PRKDC: variants seen among roughly 807,000 people sequenced by gnomAD.
The protein encoded by PRKDC is DNA-dependent protein kinase catalytic subunit.
In PRKDC, 82 loss-of-function variants were observed where a neutral mutation model predicts 486.9. The ratio of observed to expected loss-of-function variants is 0.17; its 90% CI spans 0.14 to 0.20. The LOEUF (loss-of-function observed/expected upper bound fraction) is 0.20, where lower values mean the gene tolerates loss of function less well. Among genes scored for constraint, PRKDC ranks in the 10% least tolerant of loss-of-function variants. The pLI, the probability that PRKDC is intolerant of heterozygous loss-of-function variation, is 1.00. For missense variants in PRKDC, 4,504 were observed against 5,038.2 expected, an observed-to-expected ratio of 0.89 and a Z score of 3.21; for synonymous variants, 1,895 against 1,837.0, an observed-to-expected ratio of 1.03 and a Z score of -0.81.
At chr8:47,886,453 G>A (rs1024526151) in intron 35 of PRKDC, among the ~76,000 whole-genome samples, 1 of 151,944 alleles carries the variant, frequency 6.6e-6, no homozygotes, top group Non-Finnish European at 1.5e-5. Flanking sequence ...ACAGTGGCAC[G>A]ATCTCGGCTC....
rs45597938 is a variant in PRKDC at position 47,930,508 on chromosome 8, G to A, written c.1892+164C>T. Among the ~76,000 whole-genome samples the A allele has an allele frequency of 2.2e-3, 338 of 152,216 alleles. 2 individuals are homozygous for A. The highest frequency in any genetic ancestry group is 3.8e-3 in the Non-Finnish European group (257 of 68,026). On this transcript the variant is annotated intron_variant, in intron 17 of 85. Coordinates refer to ENST00000314191, the MANE Select transcript of PRKDC (RefSeq NM_006904.7). The stretch of plus-strand genomic sequence containing the variant: ...AGGATAGTCTTGATCTCCTGACCTC[G>A]TGATCCACCTGCCTCGGCCTCCCAA...
At position 47,900,479 on chromosome 8, in the gene PRKDC, AGAATAG is replaced by A; in HGVS notation, c.3270-18_3270-13del. On this transcript the variant is annotated splice_polypyrimidine_tract_variant and intron_variant, in intron 27 of 85. Coordinates refer to ENST00000314191, the MANE Select transcript of PRKDC (RefSeq NM_006904.7). Reference sequence around the variant, plus strand: ...GAGACTCTTCTTCCCTGTAAAATAAAGAATAGGAAACCTCACCTAAGAAAACAATAA... The same window carrying A: ...GAGACTCTTCTTCCCTGTAAAATAAAGAAACCTCACCTAAGAAAACAATAA... The A allele has an allele frequency of 6.3e-7, 1 of 1,586,358 alleles. No individual in the cohort carries two copies. Among genetic ancestry groups the A allele is most frequent in the Middle Eastern group, 1.7e-4 (1 of 6,026 alleles).
chr8:47,945,621 C>T (rs1563817833), intron 7 of PRKDC, among the ~76,000 whole-genome samples: 1 of 152,212 alleles, frequency 6.6e-6, no homozygotes, highest in Non-Finnish European at 1.5e-5. Flanking sequence ...ATTGTGTCTA[C>T]GTGCCATATT....
chr8:47,782,662 G>T lies in PRKDC; in HGVS notation c.11176-64C>A. 1.3e-6 allele frequency: 2 copies of T among 1,509,160 alleles called. No individual in the cohort carries two copies. The highest frequency in any genetic ancestry group is 1.8e-6 in the Non-Finnish European group (2 of 1,118,000). 93.5% of individuals were successfully genotyped at this position (1,509,160 alleles called of 1,614,324 possible). ...CCACGTGTCAAACTCAGAGGGAAAA[G>T]CCAGAGTGGCTGTGAGCATTCCTCC... On this transcript the variant is annotated intron_variant, in intron 78 of 85. Coordinates refer to ENST00000314191, the MANE Select transcript of PRKDC (RefSeq NM_006904.7). This position sits in a 1 kb window ranked among gnomAD's most constrained non-coding sequence, Gnocchi z 4.9.
chr8:47,959,904 GGC>G, intron 1 of PRKDC, 67 bp downstream of exon 1: 1 of 1,512,294 alleles, frequency 6.6e-7, no homozygotes, highest in Non-Finnish European at 8.8e-7. Context: ...AGAAGCGCCG[GGC>G]TGCCCGGCTC....
intron 28 of PRKDC, among the ~76,000 whole-genome samples, 156 bp from the exon 29 acceptor site, chr8:47,898,725 T>C (rs1224474603): frequency 6.6e-5 from 10 of 152,262 alleles, no homozygotes; most frequent in Non-Finnish European, 1.5e-5. Context: ...TAAAATTAGA[T>C]AAATGATTCA....
chr8:47,945,784 C>T (rs545035601), intron 7 of PRKDC, among the ~76,000 whole-genome samples: 66 of 152,098 alleles, frequency 4.3e-4, no homozygotes, highest in Non-Finnish European at 8.8e-4. Flanking sequence ...TGCAGTGGCA[C>T]GATCTCAGCT....
At chr8:47,823,506 T>C (rs1469745193) in intron 64 of PRKDC, among the ~76,000 whole-genome samples, 1 of 151,842 alleles carries the variant, frequency 6.6e-6, no homozygotes, top group Non-Finnish European at 1.5e-5. Flanking sequence ...GTGAACCAAT[T>C]AAACCTCTTT....
chr8:47,872,819 G>C (rs1394444525), intron 40 of PRKDC, among the ~76,000 whole-genome samples: 2 of 152,204 alleles, frequency 1.3e-5, no homozygotes, highest in East Asian at 3.8e-4. Context: ...GGGTGAGACA[G>C]ACCATAATGC....
At chr8:47,958,134 T>C (rs920759630) in intron 1 of PRKDC, among the ~76,000 whole-genome samples, 4 of 151,458 alleles carry the variant, frequency 2.6e-5, no homozygotes, top group Admixed American at 2.0e-4. Flanking sequence ...TGAAGAAGAG[T>C]GGGTCAGAGA....
Position 47,913,924 on chromosome 8 carries a change from T to C in PRKDC, c.2758A>G (p.Thr920Ala). 1.9e-6 allele frequency: 3 copies of C among 1,609,092 alleles called. No individual in the cohort carries two copies. Among genetic ancestry groups the C allele is most frequent in the Non-Finnish European group, 2.5e-6 (3 of 1,177,758 alleles). Residue 920 changes from threonine (T) to alanine (A), a missense_variant, in exon 24 of 86, where the codon ACA (threonine) becomes GCA (alanine). Physicochemically the swap from Thr to Ala is moderately conservative, Grantham distance 58. Around this residue, in one of 6 missense-constraint regions of PRKDC, gnomAD observed 1,969 missense variants for 2,068.9 expected, o/e 0.95. Transcript: ENST00000314191. Reference sequence around the variant, plus strand: ...ACTTTAGTTTGTCTGTCACTGGCTGTGAGCGCTAATTCTGTGACTCGAGGC... The same window carrying C: ...ACTTTAGTTTGTCTGTCACTGGCTGCGAGCGCTAATTCTGTGACTCGAGGC... Reference protein sequence around the residue: ...FLPRVTELALTASDRQTKVAA... With the variant: ...FLPRVTELALAASDRQTKVAA...
intron 21 of PRKDC, among the ~76,000 whole-genome samples, chr8:47,924,356 C>G (rs2090121662): frequency 6.6e-6 from 1 of 151,920 alleles, no homozygotes; most frequent in South Asian, 2.1e-4. Flanking sequence ...GTCAGGAGTT[C>G]GAGACCAGTC....
Position 47,782,778 on chromosome 8 carries a change from C to T in PRKDC, c.11176-180G>A, listed in dbSNP as rs1214893415. ...ACCTGCTTGTGCCTGACTGCTGTGC[C>T]CGCAGAAATGTTGTATTCCTGATTA... On this transcript the variant is annotated intron_variant, in intron 78 of 85. Transcript: ENST00000314191. The surrounding 1 kb of genome is among the most constrained non-coding windows in gnomAD (Gnocchi z 4.9). The T allele has an allele frequency of 2.4e-5, 15 of 621,184 alleles. No individual in the cohort carries two copies. Among genetic ancestry groups the T allele is most frequent in the African/African-American group, 3.7e-5 (2 of 54,238 alleles). The allele number at this position is 621,184 out of a possible 1,614,324, so 38.5% of individuals were successfully genotyped here.
chr8:47,809,869 C>T (rs954111973), intron 68 of PRKDC, among the ~76,000 whole-genome samples: 2 of 151,026 alleles, frequency 1.3e-5, no homozygotes. Flanking sequence ...CTCTGTCTTA[C>T]TCTCTTTTGC....
At chr8:47,883,968 G>A (rs550489003) in intron 36 of PRKDC, among the ~76,000 whole-genome samples, 5 of 152,364 alleles carry the variant, frequency 3.3e-5, no homozygotes, top group Admixed American at 6.5e-5. Flanking sequence ...AGCTGGCTAT[G>A]ATGCCTGCAT....
intron 19 of PRKDC, among the ~76,000 whole-genome samples, chr8:47,928,691 T>C (rs2090197627): frequency 6.6e-6 from 1 of 151,678 alleles, no homozygotes; most frequent in African/African-American, 2.4e-5. Context: ...CTGACACAAT[T>C]GTTTTTTTTT....
intron 21 of PRKDC, among the ~76,000 whole-genome samples, chr8:47,923,901 G>A (rs2090114574): frequency 6.6e-6 from 1 of 152,158 alleles, no homozygotes; most frequent in Non-Finnish European, 1.5e-5. Flanking sequence ...AGCCCATTTG[G>A]ACTTGTGTCC....
chr8:47,849,441 C>T lies in PRKDC; in HGVS notation c.7068G>A (p.Met2356Ile). The change falls in exon 53 of 86, where the codon ATG becomes ATA. Residue 2356 changes from methionine to isoleucine, a missense_variant. This residue lies in a region of PRKDC where 1,592 missense variants were observed against 1,724.6 expected (regional missense o/e 0.92). Transcript: ENST00000314191. ...AKQLKQHQNTMEDKFIVCLNK... is the reference protein window; with the variant it reads ...AKQLKQHQNTIEDKFIVCLNK... ...TCAAGCACACAATAAACTTGTCCTC[C>T]ATAGTATTCTGATGTTGCTTCAATT... The T allele has an allele frequency of 6.2e-7, 1 of 1,614,024 alleles. No individual in the cohort carries two copies. The highest frequency in any genetic ancestry group is 2.2e-5 in the East Asian group (1 of 44,890).
At chr8:47,874,028 C>G (rs1283472243) in intron 40 of PRKDC, among the ~76,000 whole-genome samples, 1 of 149,566 alleles carries the variant, frequency 6.7e-6, no homozygotes, top group African/African-American at 2.5e-5. Context: ...GCTCAGTCAC[C>G]TGCCTCCCGG....
Sources: gnomAD v4.1 joint callset for allele counts (sites outside exome capture counted in the v4.1 genomes callset) on GRCh38, gnomAD v4.1.1 for gene constraint, gnomAD v4.1.1 regional missense constraint, Gnocchi (gnomAD v3.1) non-coding constraint, MANE v1.5 for transcripts, NCBI Gene and HGNC (gene_info 2026-07-23, HGNC 2026-07-21) for gene names.